The following LMF1 variants were observed in gnomAD, a reference collection of about 807,000 sequenced individuals.
LMF1 encodes transmembrane protein 112.
Under a neutral mutation model 60.6 loss-of-function variants are expected in LMF1, and 68 were observed. That is an observed-to-expected ratio of 1.12 (90% CI 0.92 to 1.37). The LOEUF (loss-of-function observed/expected upper bound fraction) is 1.37, where lower values mean the gene tolerates loss of function less well. Ranked by LOEUF, LMF1 falls within the 40% of genes most tolerant of loss-of-function variation. LMF1 has a pLI of 0.00. For synonymous variants in LMF1, 418 were observed against 324.7 expected, an observed-to-expected ratio of 1.29 and a Z score of -3.09; for missense variants, 948 against 767.2, an observed-to-expected ratio of 1.24 and a Z score of -2.78.
intron 1 of LMF1, among the ~76,000 whole-genome samples, chr16:965,771 G>C (rs553653430): frequency 3.3e-4 from 50 of 152,180 alleles, no homozygotes; most frequent in African/African-American, 1.1e-3. Flanking sequence ...GCCGCACCTC[G>C]GGGCTGGAGG....
intron 3 of LMF1, among the ~76,000 whole-genome samples, chr16:922,454 A>C (rs967117276): frequency 6.6e-6 from 1 of 152,244 alleles, no homozygotes; most frequent in Non-Finnish European, 1.5e-5. Context: ...GCGTCCACCT[A>C]ACGTGGCCAG....
chr16:980,467 G>C (rs545708761), intron 1 of LMF1: 1 of 152,250 alleles, frequency 6.6e-6, no homozygotes, highest in Non-Finnish European at 1.5e-5. Flanking sequence ...TCTGCCGACC[G>C]GGCCGGGGAG....
In LMF1 at chr16:874,178, G is replaced by A. The variant is rs892917699; in HGVS notation, c.898-2837C>T. Among the ~76,000 whole-genome samples the A allele has an allele frequency of 1.3e-5, 2 of 152,254 alleles. No individual in the cohort carries two copies. The highest frequency in any genetic ancestry group is 6.5e-5 in the Admixed American group (1 of 15,292). ...CTTCAAAAGCATGAACTTACTTTGC[G>A]TTATCTGTGTTGTTTCATCACAACC... On this transcript the variant is annotated intron_variant, in intron 6 of 10. Coordinates refer to ENST00000262301, the MANE Select transcript of LMF1 (RefSeq NM_022773.4). The surrounding 1 kb of genome is among the most constrained non-coding windows in gnomAD (Gnocchi z 4.1).
chr16:913,341 G>A (rs759219337), intron 3 of LMF1, among the ~76,000 whole-genome samples: 1 of 152,232 alleles, frequency 6.6e-6, no homozygotes, highest in Non-Finnish European at 1.5e-5. Flanking sequence ...TTCCACGGCC[G>A]CTGCTCTCCT....
intron 7 of LMF1, 60 bp from the exon 8 acceptor site, chr16:870,942 G>C: frequency 1.3e-6 from 2 of 1,531,594 alleles, no homozygotes; most frequent in Non-Finnish European, 1.8e-6. Flanking sequence ...CCTGTCCCTG[G>C]GGAGACCCCA....
chr16:870,462 G>A (rs542080204), intron 8 of LMF1, among the ~76,000 whole-genome samples: 5 of 152,296 alleles, frequency 3.3e-5, no homozygotes, highest in South Asian at 4.1e-4. Flanking sequence ...TCTCCCTTAC[G>A]CCCCCAGTAG....
At chr16:896,883 A>G (rs1357669909) in intron 4 of LMF1, among the ~76,000 whole-genome samples, 1 of 152,158 alleles carries the variant, frequency 6.6e-6, no homozygotes, top group African/African-American at 2.4e-5. Context: ...CCTCCCATCT[A>G]TTGATTTCTC....
At chr16:942,700 G>A (rs1406593403) in intron 2 of LMF1, among the ~76,000 whole-genome samples, 2 of 137,048 alleles carry the variant, frequency 1.5e-5, no homozygotes, top group African/African-American at 5.5e-5. Context: ...TCTCTGTGGG[G>A]CTCCAATCAC....
At chr16:978,222 C>T (rs1373155429) in intron 1 of LMF1, among the ~76,000 whole-genome samples, 2 of 151,534 alleles carry the variant, frequency 1.3e-5, no homozygotes, top group Non-Finnish European at 2.9e-5. Context: ...CACATACACA[C>T]CACACACCAT....
Position 910,962 on chromosome 16 carries a change from C to G in LMF1, c.632G>C (p.Arg211Pro), listed in dbSNP as rs182946890. 6.2e-7 allele frequency: 1 copy of G among 1,612,950 alleles called. No individual in the cohort carries two copies. Among genetic ancestry groups the G allele is most frequent in the Non-Finnish European group, 8.5e-7 (1 of 1,179,870 alleles). ...PTSRIVLWGF[R>P]WLIFRIMLGA... Reference sequence around the variant, plus strand: ...AAGCATGATCCTGAAGATCAGCCACCGGAAGCCCCACAGGACAATCCGGGA... The same window carrying G: ...AAGCATGATCCTGAAGATCAGCCACGGGAAGCCCCACAGGACAATCCGGGA... Residue 211 changes from arginine (R) to proline (P), a missense_variant, in exon 4 of 11, where the codon CGG (arginine) becomes CCG (proline). By Grantham distance (103) the Arg-to-Pro change is moderately radical (BLOSUM62 -2). Transcript: ENST00000262301.
At chr16:907,699 C>G (rs2071006043) in intron 4 of LMF1, among the ~76,000 whole-genome samples, 1 of 152,184 alleles carries the variant, frequency 6.6e-6, no homozygotes, top group South Asian at 2.1e-4. Context: ...GGTGTGCGTG[C>G]CTTCCTAGCC....
intron 3 of LMF1, among the ~76,000 whole-genome samples, chr16:915,625 G>A (rs939551146): frequency 3.9e-5 from 6 of 152,280 alleles, no homozygotes; most frequent in Non-Finnish European, 5.9e-5. Flanking sequence ...CAGCCTTGGC[G>A]ACCCCAGTCA....
chr16:937,568 G>A (rs1436816748), intron 2 of LMF1, among the ~76,000 whole-genome samples: 2 of 152,204 alleles, frequency 1.3e-5, no homozygotes, highest in Non-Finnish European at 2.9e-5. Context: ...TGGGGTCTCT[G>A]TGCTAGGGAG....
Position 874,349 on chromosome 16 carries a change from C to T in LMF1, c.898-3008G>A, listed in dbSNP as rs1383907118. Among the ~76,000 whole-genome samples the T allele has an allele frequency of 7.7e-6, 1 of 130,198 alleles. No individual in the cohort carries two copies. Among genetic ancestry groups the T allele is most frequent in the South Asian group, 2.7e-4 (1 of 3,684 alleles). The allele number at this position is 130,198 out of a possible 152,430, so 85.4% of individuals were successfully genotyped here. A position where few individuals can be genotyped will look rare whatever the true frequency, so the allele number is the denominator to read the frequency against. On this transcript the variant is annotated intron_variant, in intron 6 of 10. Coordinates refer to ENST00000262301, the MANE Select transcript of LMF1 (RefSeq NM_022773.4). This position sits in a 1 kb window ranked among gnomAD's most constrained non-coding sequence, Gnocchi z 4.1. The stretch of plus-strand genomic sequence containing the variant: ...ACCACAGGGCAAGGAGCCCTTTGGG[C>T]AGGGCGGGGTGGGGTGGGGCCGGAC...
intron 1 of LMF1, 92 bp from the exon 2 acceptor site, chr16:954,758 G>T: frequency 8.4e-7 from 1 of 1,185,348 alleles, no homozygotes; most frequent in Non-Finnish European, 1.2e-6. Flanking sequence ...CGAGGCAGGC[G>T]GGAAGGGGAG....
chr16:939,959 T>A (rs2072051416), intron 2 of LMF1, among the ~76,000 whole-genome samples: 1 of 152,000 alleles, frequency 6.6e-6, no homozygotes, highest in African/African-American at 2.4e-5. Context: ...GGTAATTAAG[T>A]TAAGGATCTC....
At chr16:974,501 G>A (rs983470394), upstream of LMF1, among the ~76,000 whole-genome samples, 1 of 152,238 alleles carries the variant, frequency 6.6e-6, no homozygotes, top group South Asian at 2.1e-4. Context: ...CCGGTGCTGG[G>A]GGAGAAGACG....
chr16:875,784 T>C (rs2069955051), intron 6 of LMF1, among the ~76,000 whole-genome samples: 1 of 152,032 alleles, frequency 6.6e-6, no homozygotes, highest in Admixed American at 6.5e-5. Flanking sequence ...ATCTCTGTGT[T>C]CTCCACCGGC....
rs1001629494 is a variant in LMF1, at chr16:885,746, T to C, written c.730-6009A>G. Among the ~76,000 whole-genome samples the C allele has an allele frequency of 8.5e-5, 13 of 152,350 alleles. 1 individual carries two copies. Among genetic ancestry groups the C allele is most frequent in the African/African-American group, 3.1e-4 (13 of 41,580 alleles). ...CATGAAGCAAAAACGGATAGAAATG[T>C]AAGCAGACATAGAGAAATCCATAAT... On this transcript the variant is annotated intron_variant, in intron 5 of 10. Coordinates refer to ENST00000262301, the MANE Select transcript of LMF1 (RefSeq NM_022773.4).
Sources: gnomAD v4.1 joint callset for allele counts (sites outside exome capture counted in the v4.1 genomes callset) on GRCh38, gnomAD v4.1.1 for gene constraint, Gnocchi (gnomAD v3.1) non-coding constraint, MANE v1.5 for transcripts, NCBI Gene and HGNC (gene_info 2026-07-23, HGNC 2026-07-21) for gene names.